The following ICE1 variants were observed in gnomAD, a reference collection of about 807,000 sequenced individuals.
The protein encoded by ICE1 is little elongation complex subunit 1.
ICE1 carries 64 observed loss-of-function variants against 192.7 expected under a neutral mutation model. That is an observed-to-expected ratio of 0.33 (90% CI 0.27 to 0.41). The LOEUF (loss-of-function observed/expected upper bound fraction) is 0.41, where lower values mean the gene tolerates loss of function less well. Ranked by LOEUF, ICE1 falls within the 10% of genes least tolerant of loss-of-function variation. ICE1 has a pLI of 1.00. For missense variants in ICE1, 2,708 were observed against 2,696.0 expected, an observed-to-expected ratio of 1.00 and a Z score of -0.10; for synonymous variants, 1,010 against 984.5, an observed-to-expected ratio of 1.03 and a Z score of -0.49.
chr5:5,430,677 G>A (rs1170577189), intron 1 of ICE1, among the ~76,000 whole-genome samples: 1 of 152,144 alleles, frequency 6.6e-6, no homozygotes, highest in Admixed American at 6.5e-5. Flanking sequence ...GGGAGGTGAG[G>A]ATTCAGCTCT....
rs1159506603 is a variant in ICE1 at position 5,483,263 on chromosome 5, TG to T, written c.6521-3455del. 3.9e-5 allele frequency among the ~76,000 whole-genome samples: 6 copies of T among 152,208 alleles called. No homozygotes were observed. In the East Asian group the frequency reaches 5.8e-4, roughly 15 times the overall value. ...CTCCTGCCTTGGCCTCCCAAAGTGC[TG>T]GGATTACAGGTGTGAGCCACCATGC... On this transcript the variant is annotated intron_variant, in intron 17 of 18. Coordinates refer to ENST00000296564, the MANE Select transcript of ICE1 (RefSeq NM_015325.3).
At chr5:5,467,853 G>T (rs1309334516) in intron 14 of ICE1, among the ~76,000 whole-genome samples, 1 of 152,210 alleles carries the variant, frequency 6.6e-6, no homozygotes, top group Admixed American at 6.5e-5. Context: ...CTCTTTGACA[G>T]TTTCTTATGA....
chr5:5,458,464 G>A (rs1199237359), intron 12 of ICE1, among the ~76,000 whole-genome samples: 1 of 151,646 alleles, frequency 6.6e-6, no homozygotes, highest in African/African-American at 2.4e-5. Flanking sequence ...TGGAAAACAC[G>A]CTGCTTGGGA....
At chr5:5,439,363 T>G (rs1737971091) in intron 3 of ICE1, among the ~76,000 whole-genome samples, 1 of 152,148 alleles carries the variant, frequency 6.6e-6, no homozygotes, top group Admixed American at 6.5e-5. Context: ...TTTTTTGCTA[T>G]CTTAGAATAT....
rs1738939318 is a variant in ICE1 at position 5,464,963 on chromosome 5, C to G, written c.5629C>G (p.Pro1877Ala). Residue 1877 changes from proline to alanine, a missense_variant, in exon 13 of 19, where the codon CCA becomes GCA. Physicochemically the swap from Pro to Ala is conservative, Grantham distance 27. Transcript: ENST00000296564. The surrounding 1 kb of genome is among the most constrained non-coding windows in gnomAD (Gnocchi z 4.0). Reference sequence around the variant, plus strand: ...CAAAAACCTCCCAGGGAACCTCCCTCCAGCTGAAGTTGCAACAACAAATGA... The same window carrying G: ...CAAAAACCTCCCAGGGAACCTCCCTGCAGCTGAAGTTGCAACAACAAATGA... ...IHKNLPGNLP[P>A]AEVATTNEER... 2 of 1,613,752 alleles carry G rather than the reference C, an allele frequency of 1.2e-6. No homozygotes were observed. Among genetic ancestry groups the G allele is most frequent in the South Asian group, 2.2e-5 (2 of 91,006 alleles).
rs1738946672 is a variant in ICE1 at position 5,465,152 on chromosome 5, G to A, written c.5818G>A (p.Gly1940Arg). Residue 1940 changes from glycine to arginine, a missense_variant, in exon 13 of 19, where the codon GGA (glycine) becomes AGA (arginine). This residue lies in a region of ICE1 where 342 missense variants were observed against 419.3 expected (regional missense o/e 0.82). Coordinates refer to ENST00000296564, the MANE Select transcript of ICE1 (RefSeq NM_015325.3). ...TGTCATTCGTAGTCATGTGTATGTG[G>A]GAAATATCTCCAAAAAGCCCGTAAT... Reference protein sequence around the residue: ...LPVIRSHVYVGNISKKPVMRD... With the variant: ...LPVIRSHVYVRNISKKPVMRD... The A allele has an allele frequency of 6.2e-7, 1 of 1,608,924 alleles. No homozygotes were observed. The highest frequency in any genetic ancestry group is 8.5e-7 in the Non-Finnish European group (1 of 1,177,404).
chr5:5,473,322 A>C (rs1739219818), intron 15 of ICE1, among the ~76,000 whole-genome samples: 1 of 152,228 alleles, frequency 6.6e-6, no homozygotes. Flanking sequence ...GCTCTTTTCT[A>C]CCTGATTGGA....
intron 10 of ICE1, 75 bp downstream of exon 10, chr5:5,447,972 CA>C: frequency 1.7e-6 from 2 of 1,179,434 alleles, no homozygotes; most frequent in Non-Finnish European, 2.4e-6. Flanking sequence ...TTTGCTCCTA[CA>C]TATAATTGTG....
Position 5,460,680 on chromosome 5 carries a change from TGA to T in ICE1, c.1351_1352del (p.Glu451IlefsTer10). Reference sequence around the variant, plus strand: ...GGACTCGAGACTTTCACAGCAACACTGAGAGAATCTTCTGCCACACACTCCTT... The same window carrying T: ...GGACTCGAGACTTTCACAGCAACACTGAGAATCTTCTGCCACACACTCCTT... On this transcript the variant is annotated frameshift_variant, in exon 13 of 19. Coordinates refer to ENST00000296564, the MANE Select transcript of ICE1 (RefSeq NM_015325.3). LOFTEE classifies it high-confidence loss of function. The T allele has an allele frequency of 6.2e-7, 1 of 1,613,958 alleles. No individual in the cohort carries two copies.
At chr5:5,474,282 C>T (rs760443958) in intron 16 of ICE1, among the ~76,000 whole-genome samples, 12 of 151,734 alleles carry the variant, frequency 7.9e-5, no homozygotes, top group Non-Finnish European at 1.3e-4. Flanking sequence ...TCTTTAGTAC[C>T]TGTCACTAGT....
At position 5,460,614 on chromosome 5, in the gene ICE1, A is replaced by C. The variant is rs1421304631; in HGVS notation, c.1280A>C (p.Gln427Pro). The C allele has an allele frequency of 6.2e-7, 1 of 1,613,764 alleles. No individual in the cohort carries two copies. The highest frequency in any genetic ancestry group is 1.1e-5 in the South Asian group (1 of 91,006). Residue 427 changes from glutamine to proline, a missense_variant, in exon 13 of 19, where the codon CAA (glutamine) becomes CCA (proline). Transcript: ENST00000296564. ...EEKPKSHEAIQALNTWEVNKV... is the reference protein window; with the variant it reads ...EEKPKSHEAIPALNTWEVNKV... Reference sequence around the variant, plus strand: ...AAGCCCAAATCACATGAAGCTATCCAAGCTCTGAATACATGGGAAGTAAAT... The same window carrying C: ...AAGCCCAAATCACATGAAGCTATCCCAGCTCTGAATACATGGGAAGTAAAT...
rs898111084 is a variant in ICE1 at position 5,431,330 on chromosome 5, G to A, written c.85-5088G>A. 5.3e-5 allele frequency among the ~76,000 whole-genome samples: 8 copies of A among 152,128 alleles called. No homozygotes were observed. In the East Asian group the frequency reaches 1.5e-3, roughly 29 times the overall value. On this transcript the variant is annotated intron_variant, in intron 1 of 18. Coordinates refer to ENST00000296564, the MANE Select transcript of ICE1 (RefSeq NM_015325.3). ...TCCCTTGCAAGTCTCTGCCAGTTTG[G>A]TATAAATACTCGAATGTTTTCAGTC... is the stretch of plus-strand genomic sequence containing the variant.
intron 1 of ICE1, among the ~76,000 whole-genome samples, chr5:5,435,577 AATC>A (rs1247333493): frequency 1.3e-5 from 2 of 152,086 alleles, no homozygotes; most frequent in African/African-American, 4.8e-5. Flanking sequence ...CTCATTTTAA[AATC>A]TTAGGAACAT....
At position 5,461,308 on chromosome 5, in the gene ICE1, T is replaced by C; in HGVS notation, c.1974T>C (p.Asp658=). 2.5e-6 allele frequency: 4 copies of C among 1,613,806 alleles called. No homozygotes were observed. The highest frequency in any genetic ancestry group is 2.2e-5 in the East Asian group (1 of 44,870). ...SSGLDCGNDT[D]ITTKVFSTEP... ...GGTTAGACTGTGGTAATGATACAGA[T>C]ATTACTACTAAAGTATTCTCTACTG... Residue 658 remains aspartate (D), a synonymous_variant, in exon 13 of 19, where the codon GAT becomes GAC. Transcript: ENST00000296564.
Position 5,463,674 on chromosome 5 carries a change from A to T in ICE1, c.4340A>T (p.Asp1447Val), listed in dbSNP as rs1738878513. The change falls in exon 13 of 19, where the codon GAC (aspartate) becomes GTC (valine). Residue 1447 changes from aspartate (D) to valine (V), a missense_variant. This residue lies in a region of ICE1 where 2,366 missense variants were observed against 2,276.6 expected (regional missense o/e 1.04). Transcript: ENST00000296564. ...GTCACACTGTGTGACATTCCTGGAG[A>T]CATCCCTATTTCTCAGGATCAAGGA... ...DQVTLCDIPG[D>V]IPISQDQGEL... The T allele has an allele frequency of 3.7e-6, 6 of 1,613,798 alleles. No individual in the cohort carries two copies. The highest frequency in any genetic ancestry group is 1.3e-5 in the African/African-American group (1 of 74,910).
rs187997315 is a variant in ICE1 at position 5,470,777 on chromosome 5, A to G, written c.6222+1789A>G. Among the ~76,000 whole-genome samples, 12 of 152,344 alleles carry G rather than the reference A, an allele frequency of 7.9e-5. No individual in the cohort carries two copies. In the East Asian group the frequency reaches 2.3e-3, roughly 29 times the overall value. ...TAAAATTTAACAGAAAAAAAATTCA[A>G]AATATTTACATTTACTTTGAAATTG... is the stretch of plus-strand genomic sequence containing the variant. On this transcript the variant is annotated intron_variant, in intron 15 of 18. Coordinates refer to ENST00000296564, the MANE Select transcript of ICE1 (RefSeq NM_015325.3).
chr5:5,486,289 AC>A (rs1287676692), intron 17 of ICE1, among the ~76,000 whole-genome samples: 2 of 152,220 alleles, frequency 1.3e-5, no homozygotes. Context: ...GCACCATCAG[AC>A]CACATGTCAG....
At position 5,462,302 on chromosome 5, in the gene ICE1, A is replaced by G; in HGVS notation, c.2968A>G (p.Thr990Ala). 4 of 1,613,988 alleles carry G rather than the reference A, an allele frequency of 2.5e-6. No homozygotes were observed. Among genetic ancestry groups the G allele is most frequent in the Non-Finnish European group, 3.4e-6 (4 of 1,179,876 alleles). The change falls in exon 13 of 19, where the codon ACA becomes GCA. Residue 990 changes from threonine (T) to alanine (A), a missense_variant. Thr to Ala is a moderately conservative substitution (Grantham distance 58, BLOSUM62 0). Coordinates refer to ENST00000296564, the MANE Select transcript of ICE1 (RefSeq NM_015325.3). ...GCAGAAGCAAAGGCAGCCTCAGGCC[A>G]CAGATCTGGACTCCAGTGGGACACA... Reference protein sequence around the residue: ...DGQKQRQPQATDLDSSGTHGS... With the variant: ...DGQKQRQPQAADLDSSGTHGS...
chr5:5,481,550 G>A (rs1739503783), intron 17 of ICE1, among the ~76,000 whole-genome samples: 1 of 152,154 alleles, frequency 6.6e-6, no homozygotes. Flanking sequence ...AAAAAACATA[G>A]ATTCTCAGGT....
Sources: allele counts gnomAD v4.1 joint callset (sites outside exome capture counted in the v4.1 genomes callset), GRCh38; gene constraint gnomAD v4.1.1; regional missense constraint gnomAD v4.1.1; non-coding constraint Gnocchi (gnomAD v3.1); transcripts MANE v1.5; gene names NCBI Gene and HGNC (gene_info 2026-07-23, HGNC 2026-07-21).